Variants in GRIK2 observed in about 807,000 individuals in gnomAD.
The protein encoded by GRIK2 is glutamate ionotropic receptor kainate type subunit 2, also known as glutamate receptor ionotropic, kainate 2.
A neutral mutation model predicts 100.3 loss-of-function variants in GRIK2; 32 were observed. The ratio of observed to expected loss-of-function variants is 0.32; its 90% CI spans 0.24 to 0.43. The LOEUF is 0.43. Ranked by LOEUF, GRIK2 falls within the 20% of genes least tolerant of loss-of-function variation. The pLI is 1.00. For synonymous variants in GRIK2, 417 were observed against 389.4 expected, an observed-to-expected ratio of 1.07 and a Z score of -0.83; for missense variants, 843 against 1,114.9, an observed-to-expected ratio of 0.76 and a Z score of 3.47.
intron 11 of GRIK2, among the ~76,000 whole-genome samples, chr6:101,863,126 G>A (rs535492882): frequency 1.4e-4 from 22 of 152,096 alleles, no homozygotes; most frequent in Non-Finnish European, 2.5e-4. Flanking sequence ...TAGCTCATAC[G>A]TTTGCCATTT....
At chr6:101,830,238 C>G (rs1190075154) in intron 10 of GRIK2, among the ~76,000 whole-genome samples, 2 of 152,014 alleles carry the variant, frequency 1.3e-5, no homozygotes, top group Admixed American at 6.6e-5. Flanking sequence ...AAGAATGAAA[C>G]TGGACCACTA....
In GRIK2 at chr6:101,577,106, A is replaced by T. The variant is rs538556444; in HGVS notation, c.116-44843A>T. Among the ~76,000 whole-genome samples, 6 of 151,974 alleles carry T rather than the reference A, an allele frequency of 3.9e-5. No individual in the cohort carries two copies. In the South Asian group the frequency reaches 1.2e-3, roughly 32 times the overall value. ...TTAGATATCAAGTAATAGACTAATG[A>T]TTAGATTTTGTTTGCTTTCTTTGAT... On this transcript the variant is annotated intron_variant, in intron 2 of 16. Coordinates refer to ENST00000369134, the MANE Select transcript of GRIK2 (RefSeq NM_021956.5).
intron 12 of GRIK2, among the ~76,000 whole-genome samples, chr6:101,892,331 AAAGTACATTTGC>A (rs1414274956): frequency 1.3e-5 from 2 of 152,178 alleles, no homozygotes; most frequent in Admixed American, 6.5e-5. Context: ...CTAGCTTAAA[AAAGTACATTTGC>A]AAATAGAGGC....
intron 7 of GRIK2, among the ~76,000 whole-genome samples, chr6:101,789,599 G>A (rs1485214645): frequency 2.0e-5 from 3 of 152,196 alleles, no homozygotes; most frequent in African/African-American, 7.2e-5. Flanking sequence ...TGCTGTTTTG[G>A]TTACTGTAGA....
intron 2 of GRIK2, among the ~76,000 whole-genome samples, chr6:101,607,946 A>T (rs550273348): frequency 8.2e-4 from 125 of 151,812 alleles, no homozygotes; most frequent in South Asian, 1.2e-3. Context: ...CACCACACCA[A>T]GATTACCTTT....
intron 5 of GRIK2, among the ~76,000 whole-genome samples, chr6:101,679,402 A>T (rs978719112): frequency 2.2e-4 from 33 of 152,162 alleles, no homozygotes; most frequent in African/African-American, 7.5e-4. Flanking sequence ...GGGGTTTCTA[A>T]TAATATTTTG....
At chr6:101,858,488 G>T (rs1349486804) in intron 10 of GRIK2, among the ~76,000 whole-genome samples, 1 of 146,310 alleles carries the variant, frequency 6.8e-6, no homozygotes, top group Non-Finnish European at 1.5e-5. Context: ...CCGGGTTCAC[G>T]CCATTCTCCT....
At chr6:101,788,606 A>G (rs1315793906) in intron 7 of GRIK2, among the ~76,000 whole-genome samples, 1 of 152,082 alleles carries the variant, frequency 6.6e-6, no homozygotes, top group African/African-American at 2.4e-5. Flanking sequence ...AATCGGGTCT[A>G]TCATTGTTGG....
rs112461325 is a variant in GRIK2 at position 101,435,097 on chromosome 6, A to G, written c.115+35705A>G. On this transcript the variant is annotated intron_variant, in intron 2 of 16. Coordinates refer to ENST00000369134, the MANE Select transcript of GRIK2 (RefSeq NM_021956.5). ...TTGACTCCATTTTTCCTTGCTGTAC[A>G]ACAGTTTCTAAAGCAGAGTTTTTGA... Among the ~76,000 whole-genome samples, 941 of 152,286 alleles carry G rather than the reference A, an allele frequency of 6.2e-3. 5 individuals carry two copies. The highest frequency in any genetic ancestry group is 0.024 in the South Asian group (118 of 4,824).
chr6:101,730,571 T>C (rs1775192489), intron 7 of GRIK2, among the ~76,000 whole-genome samples: 1 of 151,974 alleles, frequency 6.6e-6, no homozygotes, highest in Admixed American at 6.6e-5. Flanking sequence ...ATCATTGTTA[T>C]TACTGCTGTA....
At chr6:101,858,032 C>T (rs1171458058) in intron 10 of GRIK2, among the ~76,000 whole-genome samples, 1 of 152,178 alleles carries the variant, frequency 6.6e-6, no homozygotes, top group Admixed American at 6.5e-5. Flanking sequence ...AGTGTCTAGA[C>T]TCTTTCTCAT....
At chr6:101,889,437 G>C (rs1347037264) in intron 11 of GRIK2, among the ~76,000 whole-genome samples, 2 of 151,550 alleles carry the variant, frequency 1.3e-5, no homozygotes, top group African/African-American at 4.8e-5. Context: ...GAAGAACATA[G>C]AAATGATTAG....
At chr6:101,945,324 A>G (rs1366231010) in intron 14 of GRIK2, among the ~76,000 whole-genome samples, 1 of 152,164 alleles carries the variant, frequency 6.6e-6, no homozygotes, top group South Asian at 2.1e-4. Flanking sequence ...TAATTTTTAT[A>G]TTGAGAATGT....
chr6:101,728,558 A>G (rs1432327936), intron 7 of GRIK2, among the ~76,000 whole-genome samples: 1 of 152,100 alleles, frequency 6.6e-6, no homozygotes, highest in African/African-American at 2.4e-5. Context: ...AAAGAAAACC[A>G]GATGGTTTTA....
chr6:101,903,423 G>A (rs1419301777), intron 12 of GRIK2, among the ~76,000 whole-genome samples: 1 of 151,670 alleles, frequency 6.6e-6, no homozygotes, highest in Non-Finnish European at 1.5e-5. Context: ...ATTGTCATCA[G>A]TTATCAGAAT....
chr6:101,587,385 T>C (rs371876338), intron 2 of GRIK2, among the ~76,000 whole-genome samples: 2 of 151,576 alleles, frequency 1.3e-5, no homozygotes, highest in Admixed American at 6.6e-5. Flanking sequence ...TCTATCTGTC[T>C]GTCCGTCTGT....
At chr6:101,923,773 T>C (rs1226153711) in intron 12 of GRIK2, among the ~76,000 whole-genome samples, 1 of 151,696 alleles carries the variant, frequency 6.6e-6, no homozygotes, top group East Asian at 1.9e-4. Context: ...TGCAAAAAAT[T>C]AGCTGGGTGT....
At chr6:101,432,473 A>G (rs985238768) in intron 2 of GRIK2, among the ~76,000 whole-genome samples, 2 of 152,198 alleles carry the variant, frequency 1.3e-5, no homozygotes, top group Non-Finnish European at 2.9e-5. Flanking sequence ...ATACCCAATG[A>G]CAATCCACTA....
At chr6:101,713,818 G>A (rs1773880323) in intron 7 of GRIK2, among the ~76,000 whole-genome samples, 1 of 151,648 alleles carries the variant, frequency 6.6e-6, no homozygotes, top group African/African-American at 2.4e-5. Flanking sequence ...CTATACTGAA[G>A]CAAAAAGAAC....
Sources: gnomAD v4.1 joint callset for allele counts (sites outside exome capture counted in the v4.1 genomes callset) on GRCh38, gnomAD v4.1.1 for gene constraint, MANE v1.5 for transcripts, NCBI Gene and HGNC (gene_info 2026-07-23, HGNC 2026-07-21) for gene names.